Variants in TEX22 observed in about 807,000 individuals in gnomAD.
TEX22 encodes the protein testis expressed 22.
In TEX22, 16 loss-of-function variants were observed where a neutral mutation model predicts 11.3. The observed-to-expected ratio is 1.42, with a 90% CI of 0.96 to 2.15. The LOEUF (loss-of-function observed/expected upper bound fraction) is 2.15, where lower values mean the gene tolerates loss of function less well. Among genes scored for constraint, TEX22 ranks in the 30% most tolerant of loss-of-function variants. The pLI is 0.00. For synonymous variants in TEX22, 97 were observed against 92.3 expected (o/e 1.05, Z -0.29); for missense variants, 220 against 208.6 (o/e 1.05, Z -0.34).
At chr14:105,407,403 T>C (rs989187291) in intron 2 of TEX22, among the ~76,000 whole-genome samples, 1 of 151,616 alleles carries the variant, frequency 6.6e-6, no homozygotes, top group African/African-American at 2.4e-5. Flanking sequence ...GGATCTCACT[T>C]TGTTGTCTAG....
intron 2 of TEX22, among the ~76,000 whole-genome samples, chr14:105,411,092 G>A (rs1393964725): frequency 6.6e-6 from 1 of 152,230 alleles, no homozygotes; most frequent in Non-Finnish European, 1.5e-5. Context: ...GGCCGGCCGT[G>A]AGGACTAAGC....
chr14:105,405,519 CG>C lies in TEX22; in HGVS notation c.151-5847del, dbSNP rs1187235880. Among the ~76,000 whole-genome samples, 9 of 152,194 alleles carry C rather than the reference CG, an allele frequency of 5.9e-5. No individual in the cohort carries two copies. In the East Asian group the frequency reaches 1.7e-3, roughly 29 times the overall value. ...GCGGTAGGGTTGTGAACGTGTGCAG[CG>C]GTAAGCACAGGAATATTCCAACCGC... On this transcript the variant is annotated intron_variant, in intron 2 of 3. Coordinates refer to ENST00000451127, the MANE Select transcript of TEX22 (RefSeq NM_001195082.2).
intron 2 of TEX22, among the ~76,000 whole-genome samples, chr14:105,401,837 G>A (rs587628344): frequency 1.3e-5 from 2 of 152,266 alleles, no homozygotes; most frequent in South Asian, 4.1e-4. Flanking sequence ...GCTTGCAGTG[G>A]CCACCAATGG....
chr14:105,399,460 C>G lies in TEX22; in HGVS notation c.120C>G (p.Ser40Arg). 6.5e-7 allele frequency: 1 copy of G among 1,535,454 alleles called. No homozygotes were observed. The change falls in exon 2 of 4, where the codon AGC becomes AGG. Residue 40 changes from serine (S) to arginine (R), a missense_variant. By Grantham distance (110) the Ser-to-Arg change is moderately radical (BLOSUM62 -1). Transcript: ENST00000451127. Reference protein sequence around the residue: ...AAWGQPSIQSSVQQGLQTQDW... With the variant: ...AAWGQPSIQSRVQQGLQTQDW... ...GGGGCCAGCCCAGTATCCAGAGCAG[C>G]GTTCAGCAGGGACTGCAGACTCAGG...
rs2081701790 is a variant in TEX22 at position 105,412,644 on chromosome 14, G to A, written c.*811G>A. 6.6e-6 allele frequency: 1 copy of A among 150,814 alleles called. No individual in the cohort carries two copies. The highest frequency in any genetic ancestry group is 1.5e-5 in the Non-Finnish European group (1 of 67,772). The allele number at this position is 150,814 out of a possible 1,614,324, so 9.3% of individuals were successfully genotyped here. A position where few individuals can be genotyped will look rare whatever the true frequency, so the allele number is the denominator to read the frequency against. On this transcript the variant is annotated 3_prime_UTR_variant, in exon 4 of 4. Transcript: ENST00000451127. This position sits in a 1 kb window ranked among gnomAD's most constrained non-coding sequence, Gnocchi z 5.8. The stretch of plus-strand genomic sequence containing the variant: ...TTTTGGGGACACTAAGTTGCAGGGG[G>A]ACTGGATTGGGAGGCGGGGCAGGAG...
chr14:105,412,581 G>A lies in TEX22; in HGVS notation c.*748G>A, dbSNP rs1359843761. The A allele has an allele frequency of 3.9e-5, 6 of 152,270 alleles. No homozygotes were observed. The highest frequency in any genetic ancestry group is 2.1e-4 in the South Asian group (1 of 4,830). 9.4% of individuals were successfully genotyped at this position (152,270 alleles called of 1,614,324 possible). On this transcript the variant is annotated 3_prime_UTR_variant, in exon 4 of 4. Transcript: ENST00000451127. The surrounding 1 kb of genome is among the most constrained non-coding windows in gnomAD (Gnocchi z 5.8). ...CTCGTTTCCAGGCTGCAGGGCCCTC[G>A]GAAGGGTGCTGAGCCGGGGTAACGT...
chr14:105,409,751 T>C (rs1383748537), intron 2 of TEX22, among the ~76,000 whole-genome samples: 2 of 150,638 alleles, frequency 1.3e-5, no homozygotes, highest in Non-Finnish European at 3.0e-5. Context: ...TTTTCTCTCT[T>C]TCTCCTTCCT....
chr14:105,402,599 C>A (rs1036183663), intron 2 of TEX22, among the ~76,000 whole-genome samples: 5 of 150,934 alleles, frequency 3.3e-5, no homozygotes, highest in Non-Finnish European at 5.9e-5. Flanking sequence ...CTAAAAAATA[C>A]AAAAAAATTA....
chr14:105,401,809 G>A (rs1448865048), intron 2 of TEX22, among the ~76,000 whole-genome samples: 3 of 152,134 alleles, frequency 2.0e-5, no homozygotes, highest in Admixed American at 6.5e-5. Context: ...ATAGCCTGAC[G>A]GAGGGGAGCT....
intron 2 of TEX22, among the ~76,000 whole-genome samples, chr14:105,409,534 A>C (rs1418067457): frequency 2.2e-4 from 29 of 132,988 alleles, no homozygotes; most frequent in African/African-American, 8.4e-4. Flanking sequence ...AGAGTCTTGC[A>C]CTGTCACCCA....
intron 2 of TEX22, among the ~76,000 whole-genome samples, chr14:105,409,490 T>G (rs983126807): frequency 9.4e-5 from 14 of 149,100 alleles, no homozygotes; most frequent in Admixed American, 1.3e-4. Context: ...CTATTAAGAC[T>G]TCTTCTTCTT....
intron 2 of TEX22, among the ~76,000 whole-genome samples, chr14:105,402,551 A>G (rs141219167): frequency 0.084 from 12,664 of 150,068 alleles, 994 homozygotes; most frequent in Admixed American, 0.19. Context: ...TCTGGAGATC[A>G]AGACCATCCT....
Position 105,411,811 on chromosome 14 carries a change from C to A in TEX22, c.431C>A (p.Ala144Asp). Reference protein sequence around the residue: ...APFWHNATFEASRSPPS With the variant: ...APFWHNATFEDSRSPPS Reference sequence around the variant, plus strand: ...TTCTGGCATAATGCGACTTTCGAGGCCTCGAGGTCACCCCCTTCCTAAGAG... The same window carrying A: ...TTCTGGCATAATGCGACTTTCGAGGACTCGAGGTCACCCCCTTCCTAAGAG... The change falls in exon 4 of 4, where the codon GCC becomes GAC. Residue 144 changes from alanine (A) to aspartate (D), a missense_variant. Physicochemically the swap from Ala to Asp is moderately radical, Grantham distance 126 (BLOSUM62 -2). Coordinates refer to ENST00000451127, the MANE Select transcript of TEX22 (RefSeq NM_001195082.2). The A allele has an allele frequency of 6.9e-7, 1 of 1,448,116 alleles. No individual in the cohort carries two copies. The highest frequency in any genetic ancestry group is 9.1e-7 in the Non-Finnish European group (1 of 1,096,762). The allele number at this position is 1,448,116 out of a possible 1,614,324, so 89.7% of individuals were successfully genotyped here.
chr14:105,411,411 G>A lies in TEX22; in HGVS notation c.194G>A (p.Ser65Asn). Residue 65 changes from serine (S) to asparagine (N), a missense_variant, in exon 3 of 4, where the codon AGC (serine) becomes AAC (asparagine). By Grantham distance (46) the Ser-to-Asn change is conservative. Transcript: ENST00000451127. Reference protein sequence around the residue: ...PERRRPGRRWSVSIDERRRLA... With the variant: ...PERRRPGRRWNVSIDERRRLA... Reference sequence around the variant, plus strand: ...CGCAGGCGCCCGGGCCGCCGCTGGAGCGTCAGCATCGACGAGCGCCGGCGG... The same window carrying A: ...CGCAGGCGCCCGGGCCGCCGCTGGAACGTCAGCATCGACGAGCGCCGGCGG... The A allele has an allele frequency of 1.6e-6, 2 of 1,276,900 alleles. No homozygotes were observed. The highest frequency in any genetic ancestry group is 9.8e-7 in the Non-Finnish European group (1 of 1,015,950). 79.1% of individuals were successfully genotyped at this position (1,276,900 alleles called of 1,614,324 possible). A position where few individuals can be genotyped will look rare whatever the true frequency, so the allele number is the denominator to read the frequency against.
chr14:105,402,545 G>C (rs1180284828), intron 2 of TEX22, among the ~76,000 whole-genome samples: 5 of 151,898 alleles, frequency 3.3e-5, no homozygotes, highest in East Asian at 1.9e-4. Context: ...ACAAGGTCTG[G>C]AGATCAAGAC....
At chr14:105,400,835 C>T (rs587724047) in intron 2 of TEX22, among the ~76,000 whole-genome samples, 3 of 152,216 alleles carry the variant, frequency 2.0e-5, no homozygotes, top group East Asian at 3.9e-4. Context: ...AGGGAATCTT[C>T]CCTAAAAAAT....
intron 2 of TEX22, among the ~76,000 whole-genome samples, chr14:105,399,740 A>G (rs918698054): frequency 1.3e-5 from 2 of 152,194 alleles, no homozygotes; most frequent in Non-Finnish European, 2.9e-5. Context: ...AGGTCTTCCA[A>G]GGCCAGGAAG....
intron 2 of TEX22, among the ~76,000 whole-genome samples, chr14:105,402,563 G>C (rs1014804918): frequency 4.6e-5 from 7 of 151,656 alleles, no homozygotes; most frequent in South Asian, 4.1e-4. Context: ...GACCATCCTG[G>C]CTAACACGGT....
rs782222501 is a variant in TEX22, at chr14:105,411,805, T to A, written c.425T>A (p.Phe142Tyr). 15 of 1,451,024 alleles carry A rather than the reference T, an allele frequency of 1.0e-5. No individual in the cohort carries two copies. The highest frequency in any genetic ancestry group is 1.4e-5 in the Non-Finnish European group (15 of 1,098,364). 89.9% of individuals were successfully genotyped at this position (1,451,024 alleles called of 1,614,324 possible). A position where few individuals can be genotyped will look rare whatever the true frequency, so the allele number is the denominator to read the frequency against. ...RSAPFWHNAT[F>Y]EASRSPPS The stretch of plus-strand genomic sequence containing the variant: ...GCGCCTTTCTGGCATAATGCGACTT[T>A]CGAGGCCTCGAGGTCACCCCCTTCC... Residue 142 changes from phenylalanine (F) to tyrosine (Y), a missense_variant, in exon 4 of 4, where the codon TTC (phenylalanine) becomes TAC (tyrosine). By Grantham distance (22) the Phe-to-Tyr change is conservative. Transcript: ENST00000451127.
Sources: allele counts gnomAD v4.1 joint callset (sites outside exome capture counted in the v4.1 genomes callset), GRCh38; gene constraint gnomAD v4.1.1; non-coding constraint Gnocchi (gnomAD v3.1); transcripts MANE v1.5; gene names NCBI Gene and HGNC (gene_info 2026-07-23, HGNC 2026-07-21).